The following USH2A variants were observed in gnomAD, a reference collection of about 807,000 sequenced individuals.
USH2A encodes the protein Usher syndrome 2A (autosomal recessive, mild).
USH2A carries 443 observed loss-of-function variants against 538.9 expected under a neutral mutation model. That is an observed-to-expected ratio of 0.82 (90% CI 0.76 to 0.89). The LOEUF is 0.89. Among genes scored for constraint, USH2A ranks in the 40% least tolerant of loss-of-function variants. The pLI is 0.00. For synonymous variants in USH2A, 2,413 were observed against 2,273.5 expected, an observed-to-expected ratio of 1.06 and a Z score of -1.75; for missense variants, 6,633 against 6,324.8, an observed-to-expected ratio of 1.05 and a Z score of -1.65.
intron 58 of USH2A, among the ~76,000 whole-genome samples, chr1:215,751,225 C>T (rs1660611473): frequency 6.6e-6 from 1 of 151,986 alleles, no homozygotes; most frequent in South Asian, 2.1e-4. Flanking sequence ...GCCAGCTAAC[C>T]TTTAATCAAA....
intron 32 of USH2A, among the ~76,000 whole-genome samples, chr1:216,012,312 T>C (rs1194159323): frequency 6.6e-6 from 1 of 152,010 alleles, no homozygotes; most frequent in Non-Finnish European, 1.5e-5. Flanking sequence ...ATTCTACTAC[T>C]CCTCAGGGAT....
intron 11 of USH2A, among the ~76,000 whole-genome samples, chr1:216,286,352 T>C (rs1347986536): frequency 2.0e-5 from 3 of 152,172 alleles, no homozygotes; most frequent in Non-Finnish European, 4.4e-5. Flanking sequence ...CCTGCTGCCA[T>C]GTAAGACATG....
intron 44 of USH2A, among the ~76,000 whole-genome samples, chr1:215,860,243 T>C (rs1664281453): frequency 6.6e-6 from 1 of 152,176 alleles, no homozygotes; most frequent in Non-Finnish European, 1.5e-5. Flanking sequence ...TATTCTGTTA[T>C]AACAACACAA....
chr1:216,313,216 A>G (rs1411689575), intron 9 of USH2A, among the ~76,000 whole-genome samples: 1 of 152,156 alleles, frequency 6.6e-6, no homozygotes, highest in East Asian at 1.9e-4. Context: ...GACAGGAGGC[A>G]GAGCTCAGGA....
intron 32 of USH2A, among the ~76,000 whole-genome samples, chr1:216,017,952 A>T (rs1344102062): frequency 6.6e-6 from 1 of 152,202 alleles, no homozygotes; most frequent in Non-Finnish European, 1.5e-5. Context: ...GGGTGGCAAG[A>T]CATACACATT....
chr1:216,376,451 T>C (rs894834844), intron 3 of USH2A, among the ~76,000 whole-genome samples: 1 of 150,668 alleles, frequency 6.6e-6, no homozygotes, highest in Non-Finnish European at 1.5e-5. Context: ...ATTAGGTTAC[T>C]CCAAGCCTTC....
At chr1:216,157,534 T>G (rs2033972617) in intron 21 of USH2A, among the ~76,000 whole-genome samples, 1 of 152,144 alleles carries the variant, frequency 6.6e-6, no homozygotes, top group South Asian at 2.1e-4. Context: ...ATTGCTACAC[T>G]AATCACAATA....
chr1:216,292,216 C>G lies in USH2A; in HGVS notation c.1799G>C (p.Gly600Ala), dbSNP rs772955674. 3.9e-5 allele frequency: 63 copies of G among 1,614,076 alleles called. No homozygotes were observed. Among genetic ancestry groups the G allele is most frequent in the South Asian group, 3.6e-4 (33 of 91,068 alleles). Residue 600 changes from glycine to alanine, a missense_variant, in exon 10 of 72, where the codon GGG (glycine) becomes GCG (alanine). By Grantham distance (60) the Gly-to-Ala change is moderately conservative (BLOSUM62 0). Coordinates refer to ENST00000307340, the MANE Select transcript of USH2A (RefSeq NM_206933.4). ...ACAATCATCACAAACTCCTCCTCCC[C>G]CTCTGAAGTGCTCAAAAGGAAATGG... is the stretch of plus-strand genomic sequence containing the variant. ...VDPFPFEHFRGGGGVCDDCEH... is the reference protein window; with the variant it reads ...VDPFPFEHFRAGGGVCDDCEH...
rs769604907 is a variant in USH2A at position 215,786,767 on chromosome 1, C to T, written c.10290G>A (p.Gly3430=). The T allele has an allele frequency of 2.5e-6, 4 of 1,614,006 alleles. No homozygotes were observed. The South Asian group carries it at 3.3e-5, about 13-fold the overall frequency. ...ATGCCTTCCCTGTGGAATTGTGAGA[C>T]CCTCTTATCACAGTGCAAATGTGGC... ...FTSHICTVIR[G]SHNSTGKASI... is the part of the protein sequence containing the mutation. The change falls in exon 52 of 72, where the codon GGG becomes GGA. Residue 3430 remains glycine (G), a synonymous_variant. Coordinates refer to ENST00000307340, the MANE Select transcript of USH2A (RefSeq NM_206933.4).
At chr1:216,289,224 A>G in intron 11 of USH2A, 56 bp downstream of exon 11, 4 of 1,612,164 alleles carry the variant, frequency 2.5e-6, no homozygotes, top group Non-Finnish European at 3.4e-6. Flanking sequence ...ATAACATCCA[A>G]ATAAGTTTCT....
At chr1:215,794,382 A>G (rs758949647) in intron 50 of USH2A, among the ~76,000 whole-genome samples, 2 of 152,210 alleles carry the variant, frequency 1.3e-5, no homozygotes, top group South Asian at 4.1e-4. Flanking sequence ...GCAGGCACAC[A>G]ATGCCAGGCA....
At chr1:215,708,240 C>G (rs1373426901) in intron 61 of USH2A, among the ~76,000 whole-genome samples, 3 of 152,118 alleles carry the variant, frequency 2.0e-5, no homozygotes, top group Non-Finnish European at 4.4e-5. Flanking sequence ...ATTTCCTTAT[C>G]TTGTTTATTG....
chr1:216,366,366 C>A (rs1398689648), intron 3 of USH2A, among the ~76,000 whole-genome samples: 2 of 151,848 alleles, frequency 1.3e-5, no homozygotes, highest in South Asian at 2.1e-4. Flanking sequence ...CACTCTGGTG[C>A]AGGGCTTTAA....
At chr1:215,912,112 G>A (rs1243626954) in intron 38 of USH2A, among the ~76,000 whole-genome samples, 1 of 151,890 alleles carries the variant, frequency 6.6e-6, no homozygotes, top group Non-Finnish European at 1.5e-5. Flanking sequence ...CCTTGTCAGA[G>A]GGATAGTTGG....
intron 43 of USH2A, among the ~76,000 whole-genome samples, chr1:215,872,422 A>G (rs1449023020): frequency 4.6e-5 from 7 of 152,198 alleles, no homozygotes. Flanking sequence ...GTGAAACTTG[A>G]AGCTGTTATG....
intron 4 of USH2A, among the ~76,000 whole-genome samples, chr1:216,349,545 T>C (rs150029571): frequency 6.6e-6 from 1 of 152,184 alleles, no homozygotes; most frequent in Non-Finnish European, 1.5e-5. Flanking sequence ...CGAAAACCAA[T>C]ACGGCAATAA....
chr1:216,071,570 T>C (rs909499689), intron 29 of USH2A, among the ~76,000 whole-genome samples: 4 of 152,166 alleles, frequency 2.6e-5, no homozygotes, highest in Non-Finnish European at 4.4e-5. Context: ...GTGGTCAGAT[T>C]GTAAATATGA....
intron 44 of USH2A, among the ~76,000 whole-genome samples, chr1:215,857,576 G>A (rs959312120): frequency 2.0e-5 from 3 of 150,978 alleles, no homozygotes; most frequent in African/African-American, 7.3e-5. Context: ...TTTATGAAAG[G>A]AGAAACACGC....
intron 43 of USH2A, among the ~76,000 whole-genome samples, chr1:215,872,317 T>G (rs1664643545): frequency 6.6e-6 from 1 of 152,240 alleles, no homozygotes; most frequent in East Asian, 1.9e-4. Context: ...TATTTGTTGA[T>G]TCTAAAAATA....
Sources: allele counts gnomAD v4.1 joint callset (sites outside exome capture counted in the v4.1 genomes callset), GRCh38; gene constraint gnomAD v4.1.1; transcripts MANE v1.5; gene names NCBI Gene and HGNC (gene_info 2026-07-23, HGNC 2026-07-21).